The following SLC30A9 variants were observed in gnomAD, a reference collection of about 807,000 sequenced individuals.
The protein encoded by SLC30A9 is solute carrier family 30 member 9, also known as proton-coupled zinc antiporter SLC30A9, mitochondrial.
In SLC30A9, 58 loss-of-function variants were observed where a neutral mutation model predicts 87.5. The ratio of observed to expected loss-of-function variants is 0.66; its 90% CI spans 0.54 to 0.82. The LOEUF is 0.82. Ranked by LOEUF, SLC30A9 falls within the 40% of genes least tolerant of loss-of-function variation. The probability of loss-of-function intolerance (pLI) is 0.00; values close to 1 mark genes in which losing one functional copy is unlikely to be tolerated. For synonymous variants in SLC30A9, 234 were observed against 233.0 expected (o/e 1.00, Z -0.04); for missense variants, 557 against 679.1 (o/e 0.82, Z 2.00).
intron 16 of SLC30A9, 26 bp from the exon 17 acceptor site, chr4:42,078,186 T>C (rs375465601): frequency 9.3e-6 from 11 of 1,187,268 alleles, no homozygotes; most frequent in Non-Finnish European, 1.3e-5. Context: ...TAAAAATTTA[T>C]TTTCCTGTTT....
At chr4:42,075,553 T>C in intron 15 of SLC30A9, 104 bp from the exon 16 acceptor site, 1 of 1,035,980 alleles carries the variant, frequency 9.7e-7, no homozygotes, top group Non-Finnish European at 1.4e-6. Flanking sequence ...TCCATTCTCG[T>C]AACTAGTGGG....
intron 3 of SLC30A9, among the ~76,000 whole-genome samples, chr4:42,020,201 G>C (rs1269388512): frequency 1.3e-5 from 2 of 152,156 alleles, no homozygotes; most frequent in Non-Finnish European, 2.9e-5. Context: ...TTTGGGATCA[G>C]TTATAGATGA....
intron 2 of SLC30A9, among the ~76,000 whole-genome samples, chr4:42,007,533 C>T (rs998928427): frequency 2.0e-5 from 3 of 152,110 alleles, no homozygotes; most frequent in Non-Finnish European, 4.4e-5. Flanking sequence ...AGGCTGATCA[C>T]GAGGTCATGA....
chr4:42,040,305 G>A (rs1453180341), intron 8 of SLC30A9, among the ~76,000 whole-genome samples: 2 of 152,180 alleles, frequency 1.3e-5, no homozygotes, highest in African/African-American at 4.8e-5. Context: ...TTGGAGGGAT[G>A]TATGTGTGAA....
chr4:42,012,859 A>G (rs1223379024), intron 2 of SLC30A9, among the ~76,000 whole-genome samples: 2 of 152,222 alleles, frequency 1.3e-5, no homozygotes, highest in Admixed American at 1.3e-4. Flanking sequence ...GAAAGGATGA[A>G]ATATCCAAGA....
In SLC30A9 at chr4:42,089,074, A is replaced by G. The variant is rs1365225115; in HGVS notation, c.*2948A>G. 1 of 152,232 alleles carries G rather than the reference A, an allele frequency of 6.6e-6. No individual in the cohort carries two copies. The highest frequency in any genetic ancestry group is 1.5e-5 in the Non-Finnish European group (1 of 68,046). The allele number at this position is 152,232 out of a possible 1,614,324, so 9.4% of individuals were successfully genotyped here. On this transcript the variant is annotated 3_prime_UTR_variant, in exon 18 of 18. Transcript: ENST00000264451. ...AGCATTTGAGTATTAAAGCATATAA[A>G]TCATTTTTAAGGAAAATATTCTCTG...
chr4:42,075,791 G>A lies in SLC30A9; in HGVS notation c.1548+5G>A. ...GATTTTGACCAAATGTTACAAGTAA[G>A]TTTATTTGTTGTTTTCTTACATAAC... On this transcript the variant is annotated splice_donor_5th_base_variant and intron_variant, in intron 16 of 17. Transcript: ENST00000264451. The A allele has an allele frequency of 6.2e-7, 1 of 1,607,168 alleles. No homozygotes were observed. Among genetic ancestry groups the A allele is most frequent in the African/African-American group, 1.3e-5 (1 of 74,738 alleles).
intron 8 of SLC30A9, among the ~76,000 whole-genome samples, chr4:42,044,388 A>C (rs1195570760): frequency 1.5e-4 from 5 of 34,348 alleles, no homozygotes; most frequent in East Asian, 0.033. Context: ...ATGGAAAGCA[A>C]AAAAAAAAAA....
chr4:42,044,047 C>G (rs1259318827), intron 8 of SLC30A9, among the ~76,000 whole-genome samples: 1 of 152,174 alleles, frequency 6.6e-6, no homozygotes, highest in African/African-American at 2.4e-5. Context: ...CTTACAAGAG[C>G]TCCTGAAGGA....
chr4:42,003,019 C>T lies in SLC30A9; in HGVS notation c.274+1239C>T, dbSNP rs558114063. 6.3e-4 allele frequency among the ~76,000 whole-genome samples: 96 copies of T among 152,274 alleles called. 2 individuals are homozygous for T. The South Asian group carries it at 0.019, about 30-fold the overall frequency. On this transcript the variant is annotated intron_variant, in intron 2 of 17. Transcript: ENST00000264451. ...AGTAGACATTTAAGCCATGATAACACATCCCACAGTTTTGATATATAATAT... is the reference window on the plus strand; with the variant it reads ...AGTAGACATTTAAGCCATGATAACATATCCCACAGTTTTGATATATAATAT...
chr4:42,056,597 A>G (rs1418827379), intron 9 of SLC30A9, among the ~76,000 whole-genome samples: 1 of 152,136 alleles, frequency 6.6e-6, no homozygotes, highest in Non-Finnish European at 1.5e-5. Context: ...GGGTGGGGAC[A>G]CAGCCAAACC....
rs532607138 is a variant in SLC30A9, at chr4:42,054,826, T to G, written c.840+5347T>G. Among the ~76,000 whole-genome samples, 5 of 152,074 alleles carry G rather than the reference T, an allele frequency of 3.3e-5. No individual in the cohort carries two copies. The East Asian group carries it at 7.8e-4, about 24-fold the overall frequency. On this transcript the variant is annotated intron_variant, in intron 9 of 17. Transcript: ENST00000264451. Reference sequence around the variant, plus strand: ...AGGAATTAGTATCGATTTTTAAAAGTCTGATAATAGTCTTGTGGCTGTATT... The same window carrying G: ...AGGAATTAGTATCGATTTTTAAAAGGCTGATAATAGTCTTGTGGCTGTATT...
At chr4:42,002,311 T>C (rs1041774670) in intron 2 of SLC30A9, among the ~76,000 whole-genome samples, 9 of 152,166 alleles carry the variant, frequency 5.9e-5, no homozygotes, top group African/African-American at 2.2e-4. Context: ...AGGGTACATG[T>C]GAGGGTTTGT....
At chr4:42,033,445 C>T (rs1323554192) in intron 6 of SLC30A9, among the ~76,000 whole-genome samples, 1 of 151,728 alleles carries the variant, frequency 6.6e-6, no homozygotes, top group African/African-American at 2.4e-5. Flanking sequence ...TTGAGACCAG[C>T]CTGGGCAACA....
intron 7 of SLC30A9, 24 bp from the exon 8 acceptor site, chr4:42,038,962 A>G (rs1716803540): frequency 6.2e-7 from 1 of 1,606,968 alleles, no homozygotes; most frequent in Non-Finnish European, 8.5e-7. Flanking sequence ...GGAGGTATTA[A>G]AAAAAGTTTT....
intron 8 of SLC30A9, among the ~76,000 whole-genome samples, chr4:42,042,858 G>C (rs555816940): frequency 9.8e-5 from 15 of 152,296 alleles, no homozygotes; most frequent in African/African-American, 3.6e-4. Context: ...GCTCCTCTGG[G>C]ATGAAGCTTC....
intron 2 of SLC30A9, among the ~76,000 whole-genome samples, chr4:42,013,391 C>CT (rs1715534466): frequency 6.6e-6 from 1 of 152,258 alleles, no homozygotes; most frequent in African/African-American, 2.4e-5. Context: ...AAATCACCCC[C>CT]TACCCACCTT....
chr4:42,000,917 G>T (rs997930631), intron 1 of SLC30A9, among the ~76,000 whole-genome samples: 1 of 152,006 alleles, frequency 6.6e-6, no homozygotes, highest in African/African-American at 2.4e-5. Flanking sequence ...GGAATTATCA[G>T]TACTCATGGT....
At chr4:42,078,188 T>C in intron 16 of SLC30A9, 24 bp from the exon 17 acceptor site, 1 of 1,205,082 alleles carries the variant, frequency 8.3e-7, no homozygotes, top group African/African-American at 1.6e-5. Context: ...AAAATTTATT[T>C]TCCTGTTTTC....
Sources: allele counts gnomAD v4.1 joint callset (sites outside exome capture counted in the v4.1 genomes callset), GRCh38; gene constraint gnomAD v4.1.1; transcripts MANE v1.5; gene names NCBI Gene and HGNC (gene_info 2026-07-23, HGNC 2026-07-21).